REXO1: variants seen among roughly 807,000 people sequenced by gnomAD.
The protein encoded by REXO1 is REX1, RNA exonuclease 1 homolog.
In REXO1, 42 loss-of-function variants were observed where a neutral mutation model predicts 102.6. The observed-to-expected ratio is 0.41, with a 90% CI of 0.32 to 0.53. The LOEUF (loss-of-function observed/expected upper bound fraction) is 0.53, where lower values mean the gene tolerates loss of function less well. Among genes scored for constraint, REXO1 ranks in the 20% least tolerant of loss-of-function variants. REXO1 has a pLI of 0.27. For synonymous variants in REXO1, 908 were observed against 779.1 expected (o/e 1.17, Z -2.76); for missense variants, 1,819 against 1,732.5 (o/e 1.05, Z -0.89).
intron 5 of REXO1, 39 bp downstream of exon 5, chr19:1,821,480 C>A: frequency 6.2e-7 from 1 of 1,611,882 alleles, no homozygotes; most frequent in Non-Finnish European, 8.5e-7. Flanking sequence ...AGGGCGTGGT[C>A]TTGGGGGTGG....
In REXO1 at chr19:1,828,378, A is replaced by G. The variant is rs1439236304; in HGVS notation, c.411T>C (p.Thr137=). The G allele has an allele frequency of 1.9e-6, 3 of 1,608,662 alleles. No individual in the cohort carries two copies. Among genetic ancestry groups the G allele is most frequent in the Admixed American group, 3.4e-5 (2 of 59,648 alleles). Residue 137 remains threonine (T), a synonymous_variant, in exon 2 of 16, where the codon ACT becomes ACC. Coordinates refer to ENST00000170168, the MANE Select transcript of REXO1 (RefSeq NM_020695.4). ...LAPRGPNASP[T]VGPDEDAFPL... ...GGAAGGCATCCTCGTCCGGGCCCAC[A>G]GTGGGGCTGGCGTTGGGGCCGCGGG... is the stretch of plus-strand genomic sequence containing the variant.
At chr19:1,830,135 G>A (rs2069863867) in intron 1 of REXO1, among the ~76,000 whole-genome samples, 1 of 152,200 alleles carries the variant, frequency 6.6e-6, no homozygotes, top group Non-Finnish European at 1.5e-5. Context: ...ATGAGCAAGT[G>A]GAGCCCAGTA....
chr19:1,820,900 G>A (rs1425711605), intron 5 of REXO1, among the ~76,000 whole-genome samples: 4 of 151,992 alleles, frequency 2.6e-5, no homozygotes, highest in Non-Finnish European at 4.4e-5. Context: ...TCAGGAGGCT[G>A]AGGTGGAAGG....
chr19:1,848,409 C>A lies in REXO1; in HGVS notation c.-51G>T. On this transcript the variant is annotated 5_prime_UTR_variant, in exon 1 of 16. Coordinates refer to ENST00000170168, the MANE Select transcript of REXO1 (RefSeq NM_020695.4). ...CCCGGAGCCGCCCGGGCCCCAGGGC[C>A]CCCTCACTGGCGCCGCGGTCGCCGC... The A allele has an allele frequency of 1.7e-6, 2 of 1,160,968 alleles. No individual in the cohort carries two copies. The highest frequency in any genetic ancestry group is 1.6e-5 in the African/African-American group (1 of 61,382). The allele number at this position is 1,160,968 out of a possible 1,614,324, so 71.9% of individuals were successfully genotyped here. A position where few individuals can be genotyped will look rare whatever the true frequency, so the allele number is the denominator to read the frequency against.
At chr19:1,837,432 C>A (rs1181318061) in intron 1 of REXO1, among the ~76,000 whole-genome samples, 1 of 152,248 alleles carries the variant, frequency 6.6e-6, no homozygotes, top group African/African-American at 2.4e-5. Flanking sequence ...ACTCTGCACC[C>A]AGAGGAGGTC....
At chr19:1,825,317 AAAAAAC>A in intron 3 of REXO1, among the ~76,000 whole-genome samples, 1 of 143,242 alleles carries the variant, frequency 7.0e-6, no homozygotes, top group Middle Eastern at 3.4e-3. Context: ...AAAAAAAAAA[AAAAAAC>A]AACCAAAAAA....
chr19:1,820,148 T>C, intron 6 of REXO1, 91 bp from the exon 7 acceptor site: 1 of 1,563,262 alleles, frequency 6.4e-7, no homozygotes, highest in Non-Finnish European at 8.6e-7. Flanking sequence ...GGGACTTGCA[T>C]CTCTCCCAGG....
chr19:1,840,663 C>T (rs904786656), intron 1 of REXO1, among the ~76,000 whole-genome samples: 2 of 151,990 alleles, frequency 1.3e-5, no homozygotes, highest in Admixed American at 1.3e-4. Flanking sequence ...GAGTGACACC[C>T]GGGCCCGCCC....
intron 11 of REXO1, 169 bp from the exon 12 acceptor site, chr19:1,817,498 C>T: frequency 2.0e-6 from 3 of 1,468,528 alleles, no homozygotes; most frequent in Non-Finnish European, 2.7e-6. Context: ...CAAGAAGACA[C>T]AGGGAGGACG....
At chr19:1,841,594 G>A (rs1303832452) in intron 1 of REXO1, among the ~76,000 whole-genome samples, 1 of 152,236 alleles carries the variant, frequency 6.6e-6, no homozygotes, top group African/African-American at 2.4e-5. Flanking sequence ...CTGCCCCACA[G>A]AAAGCCAAGC....
chr19:1,845,489 C>A (rs912458612), intron 1 of REXO1, among the ~76,000 whole-genome samples: 1 of 152,142 alleles, frequency 6.6e-6, no homozygotes, highest in African/African-American at 2.4e-5. Flanking sequence ...CAAAGTGAGA[C>A]CCCGTCTCGG....
At chr19:1,840,691 C>T (rs1023065782) in intron 1 of REXO1, among the ~76,000 whole-genome samples, 39 of 151,864 alleles carry the variant, frequency 2.6e-4, no homozygotes, top group Middle Eastern at 3.4e-3. Flanking sequence ...CCCCTCCACT[C>T]CCTGCAACTC....
In REXO1 at chr19:1,821,596, G is replaced by A. The variant is rs780928705; in HGVS notation, c.2317C>T (p.Arg773Cys). Residue 773 changes from arginine (R) to cysteine (C), a missense_variant, in exon 5 of 16, where the codon CGC becomes TGC. Coordinates refer to ENST00000170168, the MANE Select transcript of REXO1 (RefSeq NM_020695.4). Reference sequence around the variant, plus strand: ...TTGGACGCCATCCCCGACAATGTGCGTGTTTTCAGCTGCTGGCCACCTGGC... The same window carrying A: ...TTGGACGCCATCCCCGACAATGTGCATGTTTTCAGCTGCTGGCCACCTGGC... ...PEPGGQQLKT[R>C]TLSGMASKTT... is the part of the protein sequence containing the mutation. 24 of 1,613,794 alleles carry A rather than the reference G, an allele frequency of 1.5e-5. No individual in the cohort carries two copies. Among genetic ancestry groups the A allele is most frequent in the Non-Finnish European group, 1.9e-5 (22 of 1,179,914 alleles).
rs879703969 is a variant in REXO1 at position 1,826,781 on chromosome 19, T to A, written c.1911+97A>T. On this transcript the variant is annotated intron_variant, in intron 2 of 15. Coordinates refer to ENST00000170168, the MANE Select transcript of REXO1 (RefSeq NM_020695.4). The surrounding 1 kb of genome is among the most constrained non-coding windows in gnomAD (Gnocchi z 4.3). ...TGAGGAGCTGCCTCCACCCCGTGCC[T>A]CCGAGCCAACTGGAAACCACTCCAG... The A allele has an allele frequency of 1.3e-6, 2 of 1,505,938 alleles. No individual in the cohort carries two copies. The highest frequency in any genetic ancestry group is 2.8e-5 in the African/African-American group (2 of 70,590). 93.3% of individuals were successfully genotyped at this position (1,505,938 alleles called of 1,614,324 possible). A position where few individuals can be genotyped will look rare whatever the true frequency, so the allele number is the denominator to read the frequency against.
In REXO1 at chr19:1,829,248, A is replaced by AT. The variant is rs987234600; in HGVS notation, c.158-618dup. Among the ~76,000 whole-genome samples, 204 of 147,550 alleles carry AT rather than the reference A, an allele frequency of 1.4e-3. 1 individual carries two copies. The highest frequency in any genetic ancestry group is 4.2e-3 in the African/African-American group (170 of 40,478). On this transcript the variant is annotated intron_variant, in intron 1 of 15. Coordinates refer to ENST00000170168, the MANE Select transcript of REXO1 (RefSeq NM_020695.4). ...GCCACCCTGCAAAATCCACAGGAAG[A>AT]TTTTTTTTTTTTGAGACAGTCTCTC...
At chr19:1,823,359 G>A (rs1271867657) in intron 4 of REXO1, 1 of 398,796 alleles carries the variant, frequency 2.5e-6, no homozygotes. Flanking sequence ...CCGGAGCTGG[G>A]TCAGGGAAGG....
intron 1 of REXO1, among the ~76,000 whole-genome samples, chr19:1,830,510 T>C (rs894533598): frequency 6.6e-6 from 1 of 152,154 alleles, no homozygotes; most frequent in Non-Finnish European, 1.5e-5. Context: ...CCCCAGCTCT[T>C]AAAAAAATAA....
chr19:1,827,211 A>T lies in REXO1; in HGVS notation c.1578T>A (p.Ser526Arg). The T allele has an allele frequency of 6.5e-7, 1 of 1,541,056 alleles. No individual in the cohort carries two copies. The highest frequency in any genetic ancestry group is 8.7e-7 in the Non-Finnish European group (1 of 1,147,474). ...CCCCTGGCCCTGCGGCCTCGTCCTC[A>T]CTCTCGTCCCCAAAGAGGTCGGCGT... ...LSHADLFGDESEDEAAGPGVP... is the reference protein window; with the variant it reads ...LSHADLFGDEREDEAAGPGVP... The change falls in exon 2 of 16, where the codon AGT (serine) becomes AGA (arginine). Residue 526 changes from serine (S) to arginine (R), a missense_variant. Ser to Arg is a moderately radical substitution (Grantham distance 110). Transcript: ENST00000170168.
chr19:1,829,094 C>A (rs2069833776), intron 1 of REXO1, among the ~76,000 whole-genome samples: 1 of 152,248 alleles, frequency 6.6e-6, no homozygotes, highest in African/African-American at 2.4e-5. Flanking sequence ...CACGGCCCCA[C>A]CCAGCCAGCA....
Sources: gnomAD v4.1 joint callset for allele counts (sites outside exome capture counted in the v4.1 genomes callset) on GRCh38, gnomAD v4.1.1 for gene constraint, Gnocchi (gnomAD v3.1) non-coding constraint, MANE v1.5 for transcripts, NCBI Gene and HGNC (gene_info 2026-07-23, HGNC 2026-07-21) for gene names.